Variants in SDK1 observed in about 807,000 individuals in gnomAD.
SDK1 encodes sidekick cell adhesion molecule 1.
A neutral mutation model predicts 245.5 loss-of-function variants in SDK1; 157 were observed. The observed-to-expected ratio is 0.64, with a 90% confidence interval of 0.56 to 0.73. The LOEUF (loss-of-function observed/expected upper bound fraction) is 0.73, where lower values mean the gene tolerates loss of function less well. SDK1 is among the 30% of genes least tolerant of loss of function. SDK1 has a pLI of 0.00. For missense variants in SDK1, 3,583 were observed against 3,002.3 expected, an observed-to-expected ratio of 1.19 and a Z score of -4.52; for synonymous variants, 1,647 against 1,278.5, an observed-to-expected ratio of 1.29 and a Z score of -6.15.
chr7:3,809,008 G>A (rs536039986), intron 4 of SDK1, among the ~76,000 whole-genome samples: 29 of 152,234 alleles, frequency 1.9e-4, no homozygotes, highest in South Asian at 1.5e-3. Flanking sequence ...TTATTAGGCT[G>A]TTCTTGCATT....
chr7:4,107,244 C>G (rs1013015858), intron 22 of SDK1, among the ~76,000 whole-genome samples: 1 of 151,256 alleles, frequency 6.6e-6, no homozygotes, highest in African/African-American at 2.5e-5. Context: ...AGCTTGGGGT[C>G]TTGAGAGTAA....
intron 1 of SDK1, among the ~76,000 whole-genome samples, chr7:3,347,502 C>T (rs1780541238): frequency 6.6e-6 from 1 of 152,152 alleles, no homozygotes; most frequent in Non-Finnish European, 1.5e-5. Context: ...AGAACCCTAG[C>T]CATTGGGCTC....
At chr7:3,892,342 T>A (rs951030996) in intron 5 of SDK1, among the ~76,000 whole-genome samples, 2 of 152,206 alleles carry the variant, frequency 1.3e-5, no homozygotes, top group African/African-American at 2.4e-5. Context: ...CGTCTCCTCA[T>A]GCCAGGCTGA....
At chr7:4,196,361 C>T in intron 35 of SDK1, among the ~76,000 whole-genome samples, 1 of 152,226 alleles carries the variant, frequency 6.6e-6, no homozygotes, top group East Asian at 1.9e-4. Context: ...TAGCTACAGC[C>T]AAAGCCATCT....
At chr7:3,996,374 C>T (rs572347260) in intron 14 of SDK1, among the ~76,000 whole-genome samples, 1 of 152,264 alleles carries the variant, frequency 6.6e-6, no homozygotes, top group East Asian at 1.9e-4. Flanking sequence ...ATCATTTATT[C>T]TTCCAGAAAA....
intron 4 of SDK1, among the ~76,000 whole-genome samples, chr7:3,788,018 A>G (rs1347526267): frequency 6.6e-6 from 1 of 152,162 alleles, no homozygotes; most frequent in Non-Finnish European, 1.5e-5. Context: ...GGCTCTTGGA[A>G]GTGACTCTGA....
intron 1 of SDK1, among the ~76,000 whole-genome samples, chr7:3,378,675 T>C (rs971833563): frequency 7.2e-5 from 11 of 152,186 alleles, no homozygotes; most frequent in Non-Finnish European, 1.3e-4. Flanking sequence ...TGTATTTCTG[T>C]TCACATTTGT....
intron 13 of SDK1, among the ~76,000 whole-genome samples, chr7:3,985,728 A>G (rs1464101433): frequency 6.6e-6 from 1 of 152,244 alleles, no homozygotes; most frequent in East Asian, 1.9e-4. Flanking sequence ...TTTATTCTTT[A>G]TCGCACTAAT....
At chr7:3,531,458 C>A (rs1397762992) in intron 1 of SDK1, among the ~76,000 whole-genome samples, 1 of 152,072 alleles carries the variant, frequency 6.6e-6, no homozygotes, top group African/African-American at 2.4e-5. Context: ...GCTACCATGT[C>A]CTTTGGACTT....
At position 3,493,683 on chromosome 7, in the gene SDK1, A is replaced by G. The variant is rs556769759; in HGVS notation, c.299-125397A>G. Among the ~76,000 whole-genome samples the G allele has an allele frequency of 5.4e-4, 82 of 152,308 alleles. 2 individuals carry two copies. The South Asian group carries it at 0.014, about 27-fold the overall frequency. ...GCAATGCTAGGCCTTCTCACTTTCA[A>G]TTTCTCTCTTGCAAGGTTAAAAGAA... On this transcript the variant is annotated intron_variant, in intron 1 of 44. Transcript: ENST00000404826.
In SDK1 at chr7:3,947,530, TTGTGTGTG is replaced by T. The variant is rs745830597; in HGVS notation, c.848-3361_848-3354del. ...TTTCCTTTTAAAAAGAAGTATTTGC[TTGTGTGTG>T]TGTGTGTGTGTGTGTGTGTGTGTGT... On this transcript the variant is annotated intron_variant, in intron 5 of 44. Coordinates refer to ENST00000404826, the MANE Select transcript of SDK1 (RefSeq NM_152744.4). 1.4e-3 allele frequency among the ~76,000 whole-genome samples: 192 copies of T among 140,450 alleles called. 1 individual carries two copies. The highest frequency in any genetic ancestry group is 6.7e-3 in the East Asian group (32 of 4,776). The allele number at this position is 140,450 out of a possible 152,430, so 92.1% of individuals were successfully genotyped here.
intron 2 of SDK1, among the ~76,000 whole-genome samples, chr7:3,638,107 T>C (rs1782526002): frequency 6.6e-6 from 1 of 152,238 alleles, no homozygotes; most frequent in South Asian, 2.1e-4. Context: ...CAACCAGTTG[T>C]GAGTTATATC....
At chr7:3,510,148 C>T (rs1043699118) in intron 1 of SDK1, among the ~76,000 whole-genome samples, 2 of 152,144 alleles carry the variant, frequency 1.3e-5, no homozygotes, top group African/African-American at 4.8e-5. Flanking sequence ...GTTCCCAGTG[C>T]CTGGACCTGG....
chr7:3,513,618 C>A (rs187059819), intron 1 of SDK1, among the ~76,000 whole-genome samples: 1 of 151,962 alleles, frequency 6.6e-6, no homozygotes, highest in East Asian at 1.9e-4. Flanking sequence ...CTATACAGTT[C>A]GTAATAGTTT....
In SDK1 at chr7:3,446,885, G is replaced by C. The variant is rs552337925; in HGVS notation, c.298+145001G>C. Among the ~76,000 whole-genome samples, 23 of 152,152 alleles carry C rather than the reference G, an allele frequency of 1.5e-4. No homozygotes were observed. In the South Asian group the frequency reaches 4.8e-3, roughly 32 times the overall value. On this transcript the variant is annotated intron_variant, in intron 1 of 44. Transcript: ENST00000404826. ...TTTATTCTCTTCACAGTCTTTTTCA[G>C]TTGTTGCCTGGTTCATCTTTTTAGA...
At chr7:4,095,596 G>C (rs141122828) in intron 22 of SDK1, among the ~76,000 whole-genome samples, 1 of 151,394 alleles carries the variant, frequency 6.6e-6, no homozygotes, top group Non-Finnish European at 1.5e-5. Context: ...TTTCCGAGAC[G>C]GAGTCTCGCT....
chr7:4,196,865 G>A (rs891442422), intron 35 of SDK1, among the ~76,000 whole-genome samples: 1 of 152,178 alleles, frequency 6.6e-6, no homozygotes, highest in African/African-American at 2.4e-5. Flanking sequence ...GTTGACTCTT[G>A]GCTAACAAGG....
chr7:4,207,196 G>A (rs2064650820), intron 36 of SDK1, among the ~76,000 whole-genome samples: 3 of 152,298 alleles, frequency 2.0e-5, no homozygotes, highest in Middle Eastern at 3.4e-3. Context: ...CGAGGCAGGC[G>A]TGCCAGCCCT....
chr7:4,017,561 A>G (rs190549826), intron 17 of SDK1, among the ~76,000 whole-genome samples: 2 of 152,282 alleles, frequency 1.3e-5, no homozygotes, highest in Admixed American at 6.5e-5. Context: ...TAATATTCCA[A>G]CTGCTTTTTC....
Sources: allele counts gnomAD v4.1 joint callset (sites outside exome capture counted in the v4.1 genomes callset), GRCh38; gene constraint gnomAD v4.1.1; transcripts MANE v1.5; gene names NCBI Gene and HGNC (gene_info 2026-07-23, HGNC 2026-07-21).